The following DENND4A variants were observed in gnomAD, a reference collection of about 807,000 sequenced individuals.
DENND4A encodes C-myc promoter-binding protein.
Under a neutral mutation model 199.3 loss-of-function variants are expected in DENND4A, and 70 were observed. The observed-to-expected ratio is 0.35, with a 90% CI of 0.29 to 0.43. DENND4A has a LOEUF of 0.43. Among genes scored for constraint, DENND4A ranks in the 20% least tolerant of loss-of-function variants. DENND4A has a pLI of 1.00. For synonymous variants in DENND4A, 686 were observed against 766.9 expected (o/e 0.89, Z 1.74); for missense variants, 1,723 against 2,255.8 (o/e 0.76, Z 4.78).
At chr15:65,762,980 G>A (rs918229202) in intron 1 of DENND4A, among the ~76,000 whole-genome samples, 3 of 152,110 alleles carry the variant, frequency 2.0e-5, no homozygotes, top group African/African-American at 4.8e-5. Context: ...TCATATTACA[G>A]AATTCAATAT....
chr15:65,765,055 T>G (rs1173898570), intron 1 of DENND4A, among the ~76,000 whole-genome samples: 1 of 152,122 alleles, frequency 6.6e-6, no homozygotes, highest in Non-Finnish European at 1.5e-5. Context: ...ATTTCCATTC[T>G]GATGAATGAA....
chr15:65,780,293 C>T (rs868456554), intron 1 of DENND4A, among the ~76,000 whole-genome samples: 1 of 152,168 alleles, frequency 6.6e-6, no homozygotes, highest in Non-Finnish European at 1.5e-5. Flanking sequence ...ACCTCCCTCA[C>T]ACCTTAATCC....
intron 24 of DENND4A, among the ~76,000 whole-genome samples, chr15:65,676,224 A>G (rs376951003): frequency 1.3e-5 from 2 of 149,688 alleles, no homozygotes; most frequent in African/African-American, 5.0e-5. Flanking sequence ...AATGAATAAA[A>G]ATGGTTGCTT....
intron 15 of DENND4A, 128 bp from the exon 16 acceptor site, chr15:65,703,136 T>C: frequency 1.2e-6 from 1 of 863,974 alleles, no homozygotes; most frequent in African/African-American, 1.7e-5. Flanking sequence ...TCTTTCTTTG[T>C]CAGGCTGTGA....
At chr15:65,687,490 C>G (rs1443909517) in intron 23 of DENND4A, among the ~76,000 whole-genome samples, 2 of 151,872 alleles carry the variant, frequency 1.3e-5, no homozygotes, top group African/African-American at 4.8e-5. Flanking sequence ...CCTGAAGATG[C>G]AGGTTTCTCT....
chr15:65,700,496 A>G (rs2142177183), intron 20 of DENND4A, 48 bp downstream of exon 20: 1 of 1,213,280 alleles, frequency 8.2e-7, no homozygotes, highest in Non-Finnish European at 1.1e-6. Context: ...TAGCAAATCT[A>G]GTTTTAAAAA....
intron 7 of DENND4A, among the ~76,000 whole-genome samples, chr15:65,737,380 G>T (rs1169935654): frequency 6.6e-6 from 1 of 151,866 alleles, no homozygotes; most frequent in Admixed American, 6.6e-5. Context: ...TATTTGTAAA[G>T]GTTCATAATA....
At chr15:65,694,187 G>A (rs1596456030) in intron 22 of DENND4A, among the ~76,000 whole-genome samples, 1 of 152,150 alleles carries the variant, frequency 6.6e-6, no homozygotes, top group African/African-American at 2.4e-5. Context: ...AGAGGCTCAC[G>A]CCTGTAATCC....
In DENND4A at chr15:65,670,029, A is replaced by T; in HGVS notation, c.4624T>A (p.Leu1542Ile). Residue 1542 changes from leucine (L) to isoleucine (I), a missense_variant, in exon 26 of 33, where the codon TTA becomes ATA. Transcript: ENST00000443035. ...LPFLNIEIRD[L>I]RRPGRYFLKS... The stretch of plus-strand genomic sequence containing the variant: ...TATCATTACCTTCCAGGTCGTCTTA[A>T]ATCTCTTATTTCTATATTCAGAAAG... 1 of 1,593,270 alleles carries T rather than the reference A, an allele frequency of 6.3e-7. No individual in the cohort carries two copies. Among genetic ancestry groups the T allele is most frequent in the Non-Finnish European group, 8.6e-7 (1 of 1,168,294 alleles).
At chr15:65,774,132 G>T (rs2140908759) in intron 1 of DENND4A, among the ~76,000 whole-genome samples, 1 of 152,268 alleles carries the variant, frequency 6.6e-6, no homozygotes. Flanking sequence ...GAGGTTGGTG[G>T]ATCACTTGAG....
chr15:65,732,881 A>T, intron 7 of DENND4A, 63 bp from the exon 8 acceptor site: 3 of 974,376 alleles, frequency 3.1e-6, no homozygotes, highest in Non-Finnish European at 4.8e-6. Flanking sequence ...AAAGCTCAAC[A>T]TGTCATCACA....
chr15:65,779,932 G>A (rs1009025060), intron 1 of DENND4A, among the ~76,000 whole-genome samples: 8 of 150,604 alleles, frequency 5.3e-5, no homozygotes, highest in Non-Finnish European at 1.0e-4. Flanking sequence ...GAGAAATGGG[G>A]TCTAGCTATG....
chr15:65,717,751 A>C, intron 13 of DENND4A, 27 bp downstream of exon 13: 1 of 1,535,892 alleles, frequency 6.5e-7, no homozygotes, highest in Non-Finnish European at 8.8e-7. Flanking sequence ...AATAACCTGA[A>C]AGCTTTAAAA....
intron 23 of DENND4A, among the ~76,000 whole-genome samples, chr15:65,687,029 T>C (rs1232963452): frequency 6.6e-6 from 1 of 152,174 alleles, no homozygotes; most frequent in Non-Finnish European, 1.5e-5. Flanking sequence ...TTGAGGTGTT[T>C]AGATTGTTAT....
chr15:65,765,517 A>G (rs139774732), intron 1 of DENND4A, among the ~76,000 whole-genome samples: 67 of 152,338 alleles, frequency 4.4e-4, no homozygotes, highest in Non-Finnish European at 8.1e-4. Flanking sequence ...TTCAAATGGT[A>G]ACATCTTGCA....
rs140610802 is a variant in DENND4A at position 65,781,246 on chromosome 15, G to T, written c.-102+10764C>A. Among the ~76,000 whole-genome samples, 640 of 152,294 alleles carry T rather than the reference G, an allele frequency of 4.2e-3. 7 individuals are homozygous for T. The highest frequency in any genetic ancestry group is 0.015 in the African/African-American group (609 of 41,558). ...AGAAAGCAGAAATTACTAGAGTTAA[G>T]ATTAGAGAACCAGGTAGAAGCCAAG... On this transcript the variant is annotated intron_variant, in intron 1 of 32. Coordinates refer to ENST00000443035, the MANE Select transcript of DENND4A (RefSeq NM_001320835.1).
chr15:65,755,956 G>A (rs961106109), intron 3 of DENND4A, among the ~76,000 whole-genome samples, 184 bp downstream of exon 3: 9 of 152,210 alleles, frequency 5.9e-5, no homozygotes, highest in African/African-American at 1.9e-4. Flanking sequence ...AAGACTGCTG[G>A]GAACTTCAGG....
intron 1 of DENND4A, among the ~76,000 whole-genome samples, chr15:65,777,779 T>C (rs1233045545): frequency 2.6e-5 from 4 of 152,226 alleles, no homozygotes; most frequent in African/African-American, 9.6e-5. Flanking sequence ...CTCACACCTG[T>C]AATCCCAACA....
At chr15:65,727,012 CTT>C (rs931538805) in intron 11 of DENND4A, among the ~76,000 whole-genome samples, 6 of 151,866 alleles carry the variant, frequency 4.0e-5, no homozygotes, top group African/African-American at 1.5e-4. Context: ...ATAAAAAGCT[CTT>C]ACTTAAAAAT....
Sources: allele counts gnomAD v4.1 joint callset (sites outside exome capture counted in the v4.1 genomes callset), GRCh38; gene constraint gnomAD v4.1.1; transcripts MANE v1.5; gene names NCBI Gene and HGNC (gene_info 2026-07-23, HGNC 2026-07-21).